KLRG2: variants seen among roughly 807,000 people sequenced by gnomAD.
KLRG2 encodes the protein killer cell lectin-like receptor subfamily G member 2.
In KLRG2, 39 loss-of-function variants were observed where a neutral mutation model predicts 35.4. The ratio of observed to expected loss-of-function variants is 1.10; its 90% CI spans 0.85 to 1.44. KLRG2 has a LOEUF of 1.44. Among genes scored for constraint, KLRG2 ranks in the 40% most tolerant of loss-of-function variants. KLRG2 has a pLI of 0.00. For missense variants in KLRG2, 632 were observed against 570.9 expected, an observed-to-expected ratio of 1.11 and a Z score of -1.09; for synonymous variants, 283 against 265.8, an observed-to-expected ratio of 1.06 and a Z score of -0.63.
At chr7:139,482,850 T>A (rs1569417773) in intron 1 of KLRG2, 36 bp downstream of exon 1, 15 of 1,367,928 alleles carry the variant, frequency 1.1e-5, no homozygotes, top group Non-Finnish European at 1.2e-5. Flanking sequence ...CCACCCGACC[T>A]GGCGGCGTCG....
At chr7:139,445,781 G>GTGTGTATATATATA in the KLRG2 span, among the ~76,000 whole-genome samples, 5 of 98,506 alleles carry the variant, frequency 5.1e-5, no homozygotes, top group African/African-American at 3.1e-4. Flanking sequence ...ATATATATAT[G>GTGTGTATATATATA]TATATATATA....
At chr7:139,431,744 G>A in the KLRG2 span, among the ~76,000 whole-genome samples, 1 of 152,120 alleles carries the variant, frequency 6.6e-6, no homozygotes, top group East Asian at 1.9e-4. Flanking sequence ...AGAAGTAGAG[G>A]AATTCCATGC....
At chr7:139,429,121 C>A in the KLRG2 span, among the ~76,000 whole-genome samples, 1 of 152,162 alleles carries the variant, frequency 6.6e-6, no homozygotes, top group Non-Finnish European at 1.5e-5. Context: ...GCCTGGCCAA[C>A]ACGGTGAAAC....
At chr7:139,464,392 G>A (rs540086362) in intron 3 of KLRG2, among the ~76,000 whole-genome samples, 216 of 152,264 alleles carry the variant, frequency 1.4e-3, no homozygotes, top group African/African-American at 4.8e-3. Flanking sequence ...CCTAAAACCA[G>A]ACAAGTATTA....
chr7:139,437,479 CAG>C, the KLRG2 span, among the ~76,000 whole-genome samples: 1 of 148,250 alleles, frequency 6.7e-6, no homozygotes, highest in Non-Finnish European at 1.5e-5. Context: ...TTGTTTGAGA[CAG>C]AGTCTCGCTC....
chr7:139,441,124 G>T, the KLRG2 span, among the ~76,000 whole-genome samples: 1 of 152,138 alleles, frequency 6.6e-6, no homozygotes, highest in Admixed American at 6.5e-5. Context: ...CCATTACTGG[G>T]TATATACACA....
chr7:139,463,055 C>T (rs1308606261), intron 3 of KLRG2, among the ~76,000 whole-genome samples: 1 of 152,172 alleles, frequency 6.6e-6, no homozygotes, highest in Admixed American at 6.6e-5. Context: ...TAGCCCTCCC[C>T]GACCTGCCCA....
At chr7:139,477,073 A>G (rs1454267610) in intron 3 of KLRG2, among the ~76,000 whole-genome samples, 2 of 152,202 alleles carry the variant, frequency 1.3e-5, no homozygotes, top group East Asian at 3.9e-4. Context: ...AGAACAGCGA[A>G]TATAAATTCC....
chr7:139,483,181 C>T lies in KLRG2; in HGVS notation c.462G>A (p.Pro154=), dbSNP rs755473972. 13 of 1,507,454 alleles carry T rather than the reference C, an allele frequency of 8.6e-6. No individual in the cohort carries two copies. The highest frequency in any genetic ancestry group is 1.4e-5 in the African/African-American group (1 of 69,264). 93.4% of individuals were successfully genotyped at this position (1,507,454 alleles called of 1,614,324 possible). The change falls in exon 1 of 5, where the codon CCG becomes CCA. Residue 154 remains proline (P), a synonymous_variant. Transcript: ENST00000340940. ...PRPSTRFLKV[P]VPESPAFSRH... ...GGGAGAAGGCAGGGGACTCGGGCAC[C>T]GGCACCTTGAGGAAGCGCGTGGAGG...
intron 3 of KLRG2, among the ~76,000 whole-genome samples, chr7:139,454,859 AATAATAAC>A (rs1412919554): frequency 1.5e-5 from 2 of 132,030 alleles, no homozygotes; most frequent in African/African-American, 6.2e-5. Flanking sequence ...TAATAATAAT[AATAATAAC>A]ACACGCAGAT....
At chr7:139,445,792 T>TATATATATATATATATATAC in the KLRG2 span, among the ~76,000 whole-genome samples, 1 of 119,304 alleles carries the variant, frequency 8.4e-6, no homozygotes, top group African/African-American at 5.8e-5. Flanking sequence ...TATATATATA[T>TATATATATATATATATATAC]GTGTGTATAT....
intron 3 of KLRG2, among the ~76,000 whole-genome samples, chr7:139,470,848 T>C (rs940477275): frequency 6.6e-5 from 10 of 151,988 alleles, no homozygotes; most frequent in African/African-American, 2.2e-4. Flanking sequence ...TTCCTTTTTT[T>C]TTTTTTTAAT....
At chr7:139,443,983 G>C in the KLRG2 span, among the ~76,000 whole-genome samples, 1 of 152,224 alleles carries the variant, frequency 6.6e-6, no homozygotes, top group African/African-American at 2.4e-5. Context: ...AAAGGCCTGA[G>C]AGCCCCTGGC....
At chr7:139,438,900 C>G in the KLRG2 span, among the ~76,000 whole-genome samples, 19 of 150,986 alleles carry the variant, frequency 1.3e-4, no homozygotes, top group African/African-American at 3.9e-4. Context: ...GTCTCAAACT[C>G]CCAACCTCAG....
At chr7:139,480,745 CTTT>C (rs34710698) in intron 1 of KLRG2, among the ~76,000 whole-genome samples, 5,615 of 112,840 alleles carry the variant, frequency 0.05, 429 homozygotes, top group African/African-American at 0.17. Flanking sequence ...GCGTCTGGCC[CTTT>C]TTTTTTTTTT....
intron 3 of KLRG2, among the ~76,000 whole-genome samples, chr7:139,465,614 C>G (rs1218901257): frequency 1.3e-5 from 2 of 151,128 alleles, no homozygotes; most frequent in African/African-American, 4.9e-5. Context: ...ATGGCGTGAA[C>G]CTGGGAGGCG....
chr7:139,446,285 C>G, the KLRG2 span, among the ~76,000 whole-genome samples: 3 of 150,834 alleles, frequency 2.0e-5, no homozygotes, highest in East Asian at 5.8e-4. Flanking sequence ...AGCAGAGCCA[C>G]ATTCCCCCTT....
intron 4 of KLRG2, 38 bp from the exon 5 acceptor site, chr7:139,453,745 AG>A: frequency 6.2e-7 from 1 of 1,612,480 alleles, no homozygotes; most frequent in South Asian, 1.1e-5. Flanking sequence ...AGAGGTGTTT[AG>A]GGTGCCGGGG....
intron 3 of KLRG2, among the ~76,000 whole-genome samples, chr7:139,454,848 ATAATAATAATAATAAT>A (rs568378851): frequency 5.7e-5 from 8 of 141,568 alleles, no homozygotes; most frequent in East Asian, 2.0e-4. Context: ...AATAATAATA[ATAATAATAATAATAAT>A]AACACACGCA....
Sources: allele counts gnomAD v4.1 joint callset (sites outside exome capture counted in the v4.1 genomes callset), GRCh38; gene constraint gnomAD v4.1.1; transcripts MANE v1.5; gene names NCBI Gene and HGNC (gene_info 2026-07-23, HGNC 2026-07-21).